NAALADL2: variants seen among roughly 807,000 people sequenced by gnomAD.
The protein encoded by NAALADL2 is inactive N-acetylated-alpha-linked acidic dipeptidase-like protein 2.
NAALADL2 carries 76 observed loss-of-function variants against 87.2 expected under a neutral mutation model. The ratio of observed to expected loss-of-function variants is 0.87; its 90% CI spans 0.72 to 1.05. The LOEUF is 1.05. Among genes scored for constraint, NAALADL2 ranks in the 50% least tolerant of loss-of-function variants. The pLI, the probability that NAALADL2 is intolerant of heterozygous loss-of-function variation, is 0.00. For synonymous variants in NAALADL2, 354 were observed against 331.0 expected (o/e 1.07, Z -0.75); for missense variants, 1,089 against 945.8 (o/e 1.15, Z -1.99).
At chr3:175,059,549 A>G (rs1430205340) in intron 1 of NAALADL2, 1 of 290,438 alleles carries the variant, frequency 3.4e-6, no homozygotes, top group East Asian at 1.0e-4. Flanking sequence ...AATGCTTCTA[A>G]CACATTCCTC....
chr3:175,237,823 G>A (rs767937982), intron 3 of NAALADL2, among the ~76,000 whole-genome samples: 3 of 152,048 alleles, frequency 2.0e-5, no homozygotes, highest in Non-Finnish European at 4.4e-5. Flanking sequence ...TACAGCATAT[G>A]GGACAATTGG....
In NAALADL2 at chr3:175,576,146, C is replaced by T; in HGVS notation, c.1759C>T (p.Pro587Ser). The T allele has an allele frequency of 1.9e-6, 3 of 1,613,732 alleles. No individual in the cohort carries two copies. The highest frequency in any genetic ancestry group is 1.3e-5 in the African/African-American group (1 of 75,030). The change falls in exon 10 of 14, where the codon CCC becomes TCC. Residue 587 changes from proline to serine, a missense_variant. Transcript: ENST00000454872. ...TTATTTCATCAACCATCTTGGAGTT[C>T]CCATCGTGCAGTTTGCTTACGAGGA... Reference protein sequence around the residue: ...ADYFINHLGVPIVQFAYEDIK... With the variant: ...ADYFINHLGVSIVQFAYEDIK...
intron 1 of NAALADL2, among the ~76,000 whole-genome samples, chr3:174,924,634 C>T (rs1009685906): frequency 1.3e-5 from 2 of 152,058 alleles, no homozygotes; most frequent in African/African-American, 4.8e-5. Context: ...GAGGAATCGC[C>T]ACACTGTCTT....
chr3:174,784,836 G>C (rs771767011), intron 3 of NAALADL2, among the ~76,000 whole-genome samples: 1 of 152,124 alleles, frequency 6.6e-6, no homozygotes, highest in African/African-American at 2.4e-5. Context: ...TGTATAGGCA[G>C]TTGTTCAATT....
At chr3:174,606,814 A>G (rs1179754855) in intron 2 of NAALADL2, among the ~76,000 whole-genome samples, 1 of 152,166 alleles carries the variant, frequency 6.6e-6, no homozygotes, top group Admixed American at 6.5e-5. Context: ...CAGGAAATAC[A>G]GAGAACACCA....
intron 5 of NAALADL2, among the ~76,000 whole-genome samples, chr3:175,383,015 G>GT (rs1399112404): frequency 6.6e-6 from 1 of 151,690 alleles, no homozygotes; most frequent in African/African-American, 2.4e-5. Flanking sequence ...TATTTCATAC[G>GT]TTTTGGATCA....
chr3:175,495,220 C>T (rs942381988), intron 9 of NAALADL2, among the ~76,000 whole-genome samples: 9 of 151,562 alleles, frequency 5.9e-5, no homozygotes, highest in African/African-American at 2.2e-4. Flanking sequence ...TTGCTCCTAC[C>T]TGTGATTATT....
At chr3:175,134,912 A>G (rs1728875810) in intron 2 of NAALADL2, among the ~76,000 whole-genome samples, 1 of 152,230 alleles carries the variant, frequency 6.6e-6, no homozygotes, top group Non-Finnish European at 1.5e-5. Flanking sequence ...CAACAATTAT[A>G]CAAACATATT....
chr3:174,921,343 T>C (rs1735156344), intron 1 of NAALADL2, among the ~76,000 whole-genome samples: 2 of 152,206 alleles, frequency 1.3e-5, no homozygotes, highest in African/African-American at 4.8e-5. Context: ...ATCACTTAAA[T>C]ACAATTTTTT....
chr3:175,671,605 A>G (rs1176152548), intron 11 of NAALADL2, among the ~76,000 whole-genome samples: 3 of 152,024 alleles, frequency 2.0e-5, no homozygotes, highest in Non-Finnish European at 4.4e-5. Flanking sequence ...TTGTGTCTCA[A>G]TTTTCCAAAT....
chr3:175,580,042 TA>T (rs1472822359), intron 10 of NAALADL2, among the ~76,000 whole-genome samples: 1 of 152,182 alleles, frequency 6.6e-6, no homozygotes, highest in African/African-American at 2.4e-5. Context: ...ATTTAAATAA[TA>T]ATGAGATAAA....
chr3:174,977,171 G>T (rs1394462595), intron 1 of NAALADL2, among the ~76,000 whole-genome samples: 3 of 152,208 alleles, frequency 2.0e-5, no homozygotes, highest in Non-Finnish European at 4.4e-5. Context: ...TCCCATGTCT[G>T]TGAAATCCAA....
intron 11 of NAALADL2, among the ~76,000 whole-genome samples, chr3:175,644,501 A>G (rs762532692): frequency 1.3e-5 from 2 of 152,198 alleles, no homozygotes; most frequent in Non-Finnish European, 2.9e-5. Flanking sequence ...TGAGATTTCC[A>G]TTCTTTCTCA....
chr3:175,103,923 T>G (rs925114916), intron 2 of NAALADL2, among the ~76,000 whole-genome samples: 3 of 152,104 alleles, frequency 2.0e-5, no homozygotes, highest in Non-Finnish European at 4.4e-5. Flanking sequence ...AGAAACAAAA[T>G]ATATATAATT....
At chr3:175,652,030 C>G (rs1237127507) in intron 11 of NAALADL2, among the ~76,000 whole-genome samples, 3 of 152,206 alleles carry the variant, frequency 2.0e-5, no homozygotes, top group African/African-American at 7.2e-5. Flanking sequence ...CGAGCAGACA[C>G]AGTGAAAGGA....
chr3:174,767,602 A>G (rs1041654684), intron 3 of NAALADL2, among the ~76,000 whole-genome samples: 3 of 152,096 alleles, frequency 2.0e-5, no homozygotes, highest in Non-Finnish European at 4.4e-5. Flanking sequence ...CCCACGCCAG[A>G]AGGATTGACC....
At chr3:175,681,225 A>G (rs911785799) in intron 11 of NAALADL2, among the ~76,000 whole-genome samples, 2 of 152,194 alleles carry the variant, frequency 1.3e-5, no homozygotes, top group African/African-American at 4.8e-5. Context: ...CTATCACACA[A>G]TAGAATCAAG....
At chr3:174,487,745 G>T (rs930564959) in intron 1 of NAALADL2, among the ~76,000 whole-genome samples, 1 of 151,650 alleles carries the variant, frequency 6.6e-6, no homozygotes, top group Non-Finnish European at 1.5e-5. Flanking sequence ...TTGTAGGCAG[G>T]TAGACGTGTC....
chr3:175,199,854 A>T lies in NAALADL2; in HGVS notation c.546-34077A>T, dbSNP rs1187878733. On this transcript the variant is annotated intron_variant, in intron 2 of 13. Coordinates refer to ENST00000454872, the MANE Select transcript of NAALADL2 (RefSeq NM_207015.3). ...TATATATATATATATATATATATAT[A>T]TATATATATATTTTTTTTTTTTTTT... Among the ~76,000 whole-genome samples, 11 of 18,922 alleles carry T rather than the reference A, an allele frequency of 5.8e-4. 1 individual carries two copies. The highest frequency in any genetic ancestry group is 2.4e-3 in the South Asian group (1 of 410). The allele number at this position is 18,922 out of a possible 152,430, so 12.4% of individuals were successfully genotyped here. A position where few individuals can be genotyped will look rare whatever the true frequency, so the allele number is the denominator to read the frequency against.
Sources: gnomAD v4.1 joint callset for allele counts (sites outside exome capture counted in the v4.1 genomes callset) on GRCh38, gnomAD v4.1.1 for gene constraint, MANE v1.5 for transcripts, NCBI Gene and HGNC (gene_info 2026-07-23, HGNC 2026-07-21) for gene names.